The following YES1 variants were observed in gnomAD, a reference collection of about 807,000 sequenced individuals.
The protein encoded by YES1 is YES proto-oncogene 1, Src family tyrosine kinase, also known as tyrosine-protein kinase Yes.
Under a neutral mutation model 70.4 loss-of-function variants are expected in YES1, and 39 were observed. The ratio of observed to expected loss-of-function variants is 0.55; its 90% confidence interval spans 0.43 to 0.72. The LOEUF is 0.72. Ranked by LOEUF, YES1 falls within the 30% of genes least tolerant of loss-of-function variation. The pLI, the probability that YES1 is intolerant of heterozygous loss-of-function variation, is 0.00. For missense variants in YES1, 495 were observed against 644.8 expected (o/e 0.77, Z 2.52); for synonymous variants, 198 against 218.6 (o/e 0.91, Z 0.83).
chr18:806,508 G>A (rs767079230), intron 1 of YES1, among the ~76,000 whole-genome samples: 2 of 152,140 alleles, frequency 1.3e-5, no homozygotes, highest in South Asian at 2.1e-4. Context: ...TTTTGTTTGC[G>A]AAAAGTCCAT....
intron 1 of YES1, among the ~76,000 whole-genome samples, chr18:769,752 C>A (rs111283766): frequency 1.5e-4 from 23 of 152,044 alleles, no homozygotes; most frequent in African/African-American, 5.6e-4. Context: ...ACCTTGGGAC[C>A]TTTGCATTCT....
intron 3 of YES1, among the ~76,000 whole-genome samples, chr18:750,989 G>A (rs1342379933): frequency 2.6e-5 from 4 of 152,148 alleles, no homozygotes; most frequent in Non-Finnish European, 4.4e-5. Context: ...AATGATTGTT[G>A]TTATCATTGT....
At chr18:801,937 T>A (rs1906846761) in intron 1 of YES1, among the ~76,000 whole-genome samples, 1 of 150,796 alleles carries the variant, frequency 6.6e-6, no homozygotes, top group African/African-American at 2.4e-5. Context: ...TTGGACTTAC[T>A]ATATCATTTT....
chr18:723,599 AT>A lies in YES1; in HGVS notation c.*824del, dbSNP rs1291044168. ...AATGCTGGGTCTTACTTTGCATGCTATCTAAAGATCAAAACATTTCCCCTTT... is the reference window on the plus strand; with the variant it reads ...AATGCTGGGTCTTACTTTGCATGCTACTAAAGATCAAAACATTTCCCCTTT... On this transcript the variant is annotated 3_prime_UTR_variant, in exon 12 of 12. Transcript: ENST00000314574. 6.6e-6 allele frequency: 1 copy of A among 152,650 alleles called. No homozygotes were observed. Among genetic ancestry groups the A allele is most frequent in the Non-Finnish European group, 1.5e-5 (1 of 68,030 alleles). The allele number at this position is 152,650 out of a possible 1,614,324, so 9.5% of individuals were successfully genotyped here. A position where few individuals can be genotyped will look rare whatever the true frequency, so the allele number is the denominator to read the frequency against.
At chr18:793,020 C>T (rs1386495232) in intron 1 of YES1, among the ~76,000 whole-genome samples, 1 of 149,858 alleles carries the variant, frequency 6.7e-6, no homozygotes, top group Non-Finnish European at 1.5e-5. Flanking sequence ...TCTTAAGGTT[C>T]ATTATAATTA....
intron 1 of YES1, among the ~76,000 whole-genome samples, chr18:764,801 C>T (rs1482103117): frequency 5.9e-5 from 9 of 151,682 alleles, no homozygotes; most frequent in Admixed American, 5.3e-4. Context: ...GGCGCGATCT[C>T]GACTCACTGT....
Position 736,978 on chromosome 18 carries a change from C to A in YES1, c.1138-17G>T, listed in dbSNP as rs1568187651. ...ATCAGCAATCTTGGAAAGAGAAAAA[C>A]AAAAAACACAAGACATACGATACAA... On this transcript the variant is annotated splice_polypyrimidine_tract_variant and intron_variant, in intron 9 of 11. Coordinates refer to ENST00000314574, the MANE Select transcript of YES1 (RefSeq NM_005433.4). The A allele has an allele frequency of 5.7e-6, 9 of 1,585,808 alleles. No individual in the cohort carries two copies. The highest frequency in any genetic ancestry group is 5.3e-5 in the Admixed American group (3 of 56,796).
At chr18:793,421 C>A (rs569847198) in intron 1 of YES1, among the ~76,000 whole-genome samples, 2 of 152,108 alleles carry the variant, frequency 1.3e-5, no homozygotes, top group African/African-American at 4.8e-5. Flanking sequence ...ACTACAGCTT[C>A]GAACTCCTGG....
chr18:788,047 G>C (rs1478006280), intron 1 of YES1: 1 of 152,126 alleles, frequency 6.6e-6, no homozygotes, highest in Non-Finnish European at 1.5e-5. Context: ...ACTGTTTCCA[G>C]CCATTCCTCA....
chr18:776,063 C>T (rs778791817), intron 1 of YES1, among the ~76,000 whole-genome samples: 4 of 152,156 alleles, frequency 2.6e-5, no homozygotes, highest in Non-Finnish European at 5.9e-5. Context: ...CTGGATGTAA[C>T]CTTGCAATAG....
At chr18:781,282 A>AAAAAAT (rs1905654205) in intron 1 of YES1, among the ~76,000 whole-genome samples, 1 of 151,388 alleles carries the variant, frequency 6.6e-6, no homozygotes, top group African/African-American at 2.4e-5. Context: ...AAAAAAAAAA[A>AAAAAAT]AAAATAAGAG....
chr18:810,775 T>C (rs1022242279), intron 1 of YES1, among the ~76,000 whole-genome samples: 6 of 152,206 alleles, frequency 3.9e-5, no homozygotes, highest in African/African-American at 1.4e-4. Flanking sequence ...CTCACACTTA[T>C]AAGCAAACAA....
At chr18:749,582 G>A (rs981350087) in intron 3 of YES1, among the ~76,000 whole-genome samples, 11 of 152,096 alleles carry the variant, frequency 7.2e-5, no homozygotes, top group African/African-American at 2.2e-4. Context: ...AAGGCTGGGC[G>A]CGGTGGCTCA....
At chr18:753,290 C>G (rs1484525832) in intron 2 of YES1, among the ~76,000 whole-genome samples, 1 of 152,126 alleles carries the variant, frequency 6.6e-6, no homozygotes, top group Non-Finnish European at 1.5e-5. Flanking sequence ...CATCACATAT[C>G]ATTTTTGTGG....
chr18:769,233 T>C (rs1905049643), intron 1 of YES1, among the ~76,000 whole-genome samples: 1 of 152,214 alleles, frequency 6.6e-6, no homozygotes, highest in South Asian at 2.1e-4. Context: ...TTCCTGTCTT[T>C]AAAGTGACGT....
rs35073440 is a variant in YES1, at chr18:777,806, TAA to T, written c.-8-20973_-8-20972del. On this transcript the variant is annotated intron_variant, in intron 1 of 11. Transcript: ENST00000314574. ...TGGACAACAGAGTGAGACTCTGGCT[TAA>T]AAAAAAAAAAAAAAAAAATTAAAAA... Among the ~76,000 whole-genome samples, 656 of 129,216 alleles carry T rather than the reference TAA, an allele frequency of 5.1e-3. 3 individuals carry two copies. Among genetic ancestry groups the T allele is most frequent in the African/African-American group, 0.017 (601 of 34,370 alleles). 84.8% of individuals were successfully genotyped at this position (129,216 alleles called of 152,430 possible). A position where few individuals can be genotyped will look rare whatever the true frequency, so the allele number is the denominator to read the frequency against.
At chr18:810,622 G>C (rs1352184025) in intron 1 of YES1, among the ~76,000 whole-genome samples, 1 of 152,090 alleles carries the variant, frequency 6.6e-6, no homozygotes, top group Admixed American at 6.6e-5. Context: ...TTTGTTTTCA[G>C]ATCAAAGGCA....
chr18:806,980 C>T (rs1475599510), intron 1 of YES1, among the ~76,000 whole-genome samples: 3 of 152,188 alleles, frequency 2.0e-5, no homozygotes, highest in Non-Finnish European at 4.4e-5. Flanking sequence ...AAAGTAAGGA[C>T]AAGACGCTGC....
chr18:800,072 C>T (rs937018435), intron 1 of YES1, among the ~76,000 whole-genome samples: 4 of 152,198 alleles, frequency 2.6e-5, no homozygotes, highest in African/African-American at 9.6e-5. Flanking sequence ...CTCCATCAGA[C>T]TCAAGTAGAA....
Sources: gnomAD v4.1 joint callset for allele counts (sites outside exome capture counted in the v4.1 genomes callset) on GRCh38, gnomAD v4.1.1 for gene constraint, MANE v1.5 for transcripts, NCBI Gene and HGNC (gene_info 2026-07-23, HGNC 2026-07-21) for gene names.